The following NR6A1 variants were observed in gnomAD, a reference collection of about 807,000 sequenced individuals.
NR6A1 encodes the protein retinoic acid receptor-related testis-associated receptor.
NR6A1 carries 7 observed loss-of-function variants against 59.1 expected under a neutral mutation model. The observed-to-expected ratio is 0.12, with a 90% CI of 0.07 to 0.22. The LOEUF is 0.22. NR6A1 is among the 10% of genes least tolerant of loss of function. The pLI is 1.00. For synonymous variants in NR6A1, 243 were observed against 236.1 expected, an observed-to-expected ratio of 1.03 and a Z score of -0.27; for missense variants, 468 against 611.6, an observed-to-expected ratio of 0.77 and a Z score of 2.48.
chr9:124,753,240 G>A (rs1014132771), intron 1 of NR6A1, among the ~76,000 whole-genome samples: 4 of 152,266 alleles, frequency 2.6e-5, no homozygotes, highest in Middle Eastern at 3.4e-3. Flanking sequence ...CCTCTCTAGT[G>A]CTTACTAATC....
At chr9:124,731,623 C>G (rs1056319087) in intron 2 of NR6A1, among the ~76,000 whole-genome samples, 8 of 152,144 alleles carry the variant, frequency 5.3e-5, no homozygotes, top group African/African-American at 1.9e-4. Context: ...AAGACCAACC[C>G]CTCTTTCTCC....
intron 2 of NR6A1, among the ~76,000 whole-genome samples, chr9:124,719,007 C>T (rs191370534): frequency 9.5e-4 from 144 of 151,864 alleles, no homozygotes; most frequent in Non-Finnish European, 1.7e-3. Context: ...ATTATAAATG[C>T]TAAAAGAAGC....
chr9:124,555,244 C>T (rs1194794106), intron 2 of NR6A1, among the ~76,000 whole-genome samples: 2 of 152,174 alleles, frequency 1.3e-5, no homozygotes, highest in East Asian at 3.8e-4. Context: ...GAATATAGCT[C>T]TTCACTTCCT....
intron 2 of NR6A1, among the ~76,000 whole-genome samples, chr9:124,713,750 G>C (rs938454824): frequency 3.3e-5 from 5 of 152,182 alleles, no homozygotes; most frequent in Non-Finnish European, 7.4e-5. Context: ...AAGTGTTGGT[G>C]AGGATGTGGA....
chr9:124,578,485 CCTTTA>C (rs1169070329), intron 2 of NR6A1, among the ~76,000 whole-genome samples: 1 of 152,146 alleles, frequency 6.6e-6, no homozygotes, highest in Non-Finnish European at 1.5e-5. Context: ...ATTCCTAATT[CCTTTA>C]CTTTCTTTTA....
intron 3 of NR6A1, among the ~76,000 whole-genome samples, chr9:124,545,708 T>C (rs1833576289): frequency 1.3e-5 from 2 of 152,254 alleles, no homozygotes; most frequent in Non-Finnish European, 2.9e-5. Flanking sequence ...GTTCGGCTGT[T>C]ACCTCATTTT....
chr9:124,640,374 C>T (rs1383641021), intron 2 of NR6A1, among the ~76,000 whole-genome samples: 5 of 152,046 alleles, frequency 3.3e-5, no homozygotes, highest in Non-Finnish European at 7.4e-5. Flanking sequence ...ATGTTTGGTA[C>T]TGAAGGATGC....
intron 2 of NR6A1, among the ~76,000 whole-genome samples, chr9:124,645,779 A>C (rs2130911083): frequency 6.6e-6 from 1 of 152,324 alleles, no homozygotes; most frequent in Admixed American, 6.5e-5. Context: ...TATAACTGAC[A>C]CCTATAGAAT....
chr9:124,770,880 G>C (rs1841131268), intron 1 of NR6A1, 140 bp downstream of exon 1: 1 of 422,900 alleles, frequency 2.4e-6, no homozygotes, highest in Non-Finnish European at 4.0e-6. Flanking sequence ...AACGGGGAAC[G>C]GGGTGAAGGG....
chr9:124,656,566 T>G (rs2130931252), intron 2 of NR6A1, among the ~76,000 whole-genome samples: 1 of 152,202 alleles, frequency 6.6e-6, no homozygotes, highest in Non-Finnish European at 1.5e-5. Context: ...CACGGTGGGC[T>G]CATGCCTGTA....
chr9:124,532,569 A>T (rs896996476), intron 7 of NR6A1, among the ~76,000 whole-genome samples: 1 of 152,190 alleles, frequency 6.6e-6, no homozygotes, highest in Non-Finnish European at 1.5e-5. Context: ...AAAACACATG[A>T]TACTCAGTAA....
intron 2 of NR6A1, among the ~76,000 whole-genome samples, chr9:124,614,964 C>T (rs779796336): frequency 6.6e-6 from 1 of 152,200 alleles, no homozygotes; most frequent in Non-Finnish European, 1.5e-5. Context: ...TAACTGGATT[C>T]AAAGCCTGGT....
chr9:124,536,229 G>A, intron 6 of NR6A1, 97 bp from the exon 7 acceptor site: 2 of 1,355,656 alleles, frequency 1.5e-6, no homozygotes, highest in South Asian at 2.7e-5. Context: ...AAGGGACCCT[G>A]GCAATGGGCT....
rs1832736590 is a variant in NR6A1, at chr9:124,518,644, T to G, written c.*4061A>C. The G allele has an allele frequency of 6.6e-6, 1 of 151,730 alleles. No homozygotes were observed. Among genetic ancestry groups the G allele is most frequent in the African/African-American group, 2.4e-5 (1 of 41,226 alleles). The allele number at this position is 151,730 out of a possible 1,614,324, so 9.4% of individuals were successfully genotyped here. A position where few individuals can be genotyped will look rare whatever the true frequency, so the allele number is the denominator to read the frequency against. On this transcript the variant is annotated 3_prime_UTR_variant, in exon 10 of 10. Transcript: ENST00000487099. ...CTTCAAGCCAAGGAGAAAGGGAGGA[T>G]GATCAGTTGCAAAGGCAGAGGGGAG... is the stretch of plus-strand genomic sequence containing the variant.
At chr9:124,673,441 T>C (rs1837855134) in intron 2 of NR6A1, among the ~76,000 whole-genome samples, 1 of 151,302 alleles carries the variant, frequency 6.6e-6, no homozygotes. Flanking sequence ...AGAAAATAAA[T>C]TTACAATCCT....
intron 2 of NR6A1, among the ~76,000 whole-genome samples, chr9:124,583,353 T>G (rs559653763): frequency 2.0e-5 from 3 of 152,300 alleles, no homozygotes; most frequent in Non-Finnish European, 2.9e-5. Flanking sequence ...CCTCTCCCTC[T>G]GTAGTACCTG....
rs547124517 is a variant in NR6A1 at position 124,586,620 on chromosome 9, T to A, written c.143-32050A>T. Among the ~76,000 whole-genome samples the A allele has an allele frequency of 5.9e-4, 89 of 152,094 alleles. 1 individual carries two copies. The highest frequency in any genetic ancestry group is 1.6e-3 in the African/African-American group (68 of 41,480). ...GCCACCATGCCCAGCTAATTTTTTT[T>A]AAAATTTCAGTAGAGACGAGGTCTC... On this transcript the variant is annotated intron_variant, in intron 2 of 9. Coordinates refer to ENST00000487099, the MANE Select transcript of NR6A1 (RefSeq NM_033334.4).
In NR6A1 at chr9:124,713,434, G is replaced by A. The variant is rs115647077; in HGVS notation, c.142+19874C>T. Among the ~76,000 whole-genome samples the A allele has an allele frequency of 1.3e-3, 199 of 152,104 alleles. 1 individual carries two copies. The highest frequency in any genetic ancestry group is 4.5e-3 in the African/African-American group (187 of 41,492). ...AAATGTAAAACTTTTGTGCATCGACGGACACAACAGAATGAAAAAGCAACC... is the reference window on the plus strand; with the variant it reads ...AAATGTAAAACTTTTGTGCATCGACAGACACAACAGAATGAAAAAGCAACC... On this transcript the variant is annotated intron_variant, in intron 2 of 9. Transcript: ENST00000487099.
In NR6A1 at chr9:124,521,627, G is replaced by A. The variant is rs1832804609; in HGVS notation, c.*1078C>T. The A allele has an allele frequency of 6.6e-6, 1 of 152,306 alleles. No individual in the cohort carries two copies. Among genetic ancestry groups the A allele is most frequent in the South Asian group, 2.1e-4 (1 of 4,838 alleles). 9.4% of individuals were successfully genotyped at this position (152,306 alleles called of 1,614,324 possible). ...AGACCTGAGGGTGCGGTAGGAAGGG[G>A]AGGGGAGAGGAACAGATTTCAAAAG... On this transcript the variant is annotated 3_prime_UTR_variant, in exon 10 of 10. Coordinates refer to ENST00000487099, the MANE Select transcript of NR6A1 (RefSeq NM_033334.4).
Sources: gnomAD v4.1 joint callset for allele counts (sites outside exome capture counted in the v4.1 genomes callset) on GRCh38, gnomAD v4.1.1 for gene constraint, MANE v1.5 for transcripts, NCBI Gene and HGNC (gene_info 2026-07-23, HGNC 2026-07-21) for gene names.